PRPSAP2: variants seen among roughly 807,000 people sequenced by gnomAD.
The protein encoded by PRPSAP2 is phosphoribosyl pyrophosphate synthetase associated protein 2.
A neutral mutation model predicts 40.6 loss-of-function variants in PRPSAP2; 24 were observed. The ratio of observed to expected loss-of-function variants is 0.59; its 90% confidence interval spans 0.43 to 0.83. The LOEUF is 0.83. Among genes scored for constraint, PRPSAP2 ranks in the 40% least tolerant of loss-of-function variants. The pLI is 0.00. For missense variants in PRPSAP2, 292 were observed against 465.6 expected (o/e 0.63, Z 3.43); for synonymous variants, 149 against 164.7 (o/e 0.90, Z 0.73).
rs1271064416 is a variant in PRPSAP2 at position 18,865,847 on chromosome 17, C to T, written c.14C>T (p.Thr5Met). The change falls in exon 3 of 12, where the codon ACG (threonine) becomes ATG (methionine). Residue 5 changes from threonine (T) to methionine (M), a missense_variant. This residue lies in a region of PRPSAP2 where 51 missense variants were observed against 40.0 expected (regional missense o/e 1.28). Transcript: ENST00000268835. ...AAGAAGGTTTTGATGTTTTGTGTGA[C>T]GCCACCTGAATTAGAAACCAAGATG... Reference protein sequence around the residue: MFCVTPPELETKMNI... With the variant: MFCVMPPELETKMNI... 9.3e-6 allele frequency: 14 copies of T among 1,508,362 alleles called. No homozygotes were observed. The highest frequency in any genetic ancestry group is 1.4e-5 in the South Asian group (1 of 72,602). The allele number at this position is 1,508,362 out of a possible 1,614,324, so 93.4% of individuals were successfully genotyped here. A position where few individuals can be genotyped will look rare whatever the true frequency, so the allele number is the denominator to read the frequency against.
chr17:18,928,059 C>T (rs1241423371), intron 10 of PRPSAP2, among the ~76,000 whole-genome samples: 1 of 152,168 alleles, frequency 6.6e-6, no homozygotes. Context: ...GCTGGGACTA[C>T]AGGCATGAGC....
At chr17:18,917,155 G>A (rs1214100301) in intron 9 of PRPSAP2, among the ~76,000 whole-genome samples, 1 of 151,976 alleles carries the variant, frequency 6.6e-6, no homozygotes, top group Non-Finnish European at 1.5e-5. Flanking sequence ...GAGTTGTTGG[G>A]GAAGAACCCT....
At chr17:18,896,123 T>A (rs1018961595) in intron 8 of PRPSAP2, among the ~76,000 whole-genome samples, 10 of 152,180 alleles carry the variant, frequency 6.6e-5, no homozygotes, top group African/African-American at 2.4e-4. Flanking sequence ...AAAACAACAT[T>A]TTAAATTATG....
chr17:18,900,278 T>C (rs1016523083), intron 8 of PRPSAP2, among the ~76,000 whole-genome samples: 1 of 152,252 alleles, frequency 6.6e-6, no homozygotes, highest in Admixed American at 6.5e-5. Flanking sequence ...TGCCTCGGCC[T>C]CCCAAAGTAC....
At chr17:18,886,828 A>G (rs2151916726) in intron 7 of PRPSAP2, among the ~76,000 whole-genome samples, 1 of 151,056 alleles carries the variant, frequency 6.6e-6, no homozygotes, top group Middle Eastern at 3.4e-3. Context: ...GTGGAATTGT[A>G]TCATTTTTCC....
intron 8 of PRPSAP2, among the ~76,000 whole-genome samples, chr17:18,895,546 T>G (rs1489739448): frequency 1.3e-5 from 2 of 151,852 alleles, no homozygotes; most frequent in African/African-American, 4.8e-5. Context: ...TGTTGACTGC[T>G]TTTTTACTGT....
At position 18,886,723 on chromosome 17, in the gene PRPSAP2, T is replaced by A. The variant is rs142566983; in HGVS notation, c.529-3099T>A. ...TTGCCTTCCGCTGCACTGCTGGGGA[T>A]GTGTCAGGCAGTCCTTTTCACAGTT... On this transcript the variant is annotated intron_variant, in intron 7 of 11. Coordinates refer to ENST00000268835, the MANE Select transcript of PRPSAP2 (RefSeq NM_002767.4). 1.3e-4 allele frequency among the ~76,000 whole-genome samples: 20 copies of A among 152,200 alleles called. No homozygotes were observed. The East Asian group carries it at 3.9e-3, about 29-fold the overall frequency.
At chr17:18,883,716 C>T (rs1285192684) in intron 7 of PRPSAP2, among the ~76,000 whole-genome samples, 1 of 151,984 alleles carries the variant, frequency 6.6e-6, no homozygotes, top group Non-Finnish European at 1.5e-5. Context: ...AATTATTTCT[C>T]TCTTTAATAA....
In PRPSAP2 at chr17:18,872,659, C is replaced by CA. The variant is rs758428165; in HGVS notation, c.239+11dup. The CA allele has an allele frequency of 3.2e-6, 5 of 1,575,536 alleles. No individual in the cohort carries two copies. The South Asian group carries it at 3.3e-5, about 11-fold the overall frequency. On this transcript the variant is annotated intron_variant, in intron 5 of 11. Coordinates refer to ENST00000268835, the MANE Select transcript of PRPSAP2 (RefSeq NM_002767.4). ...TCCAAACTGTTTCGAAGTGAGTATC[C>CA]AGCAAAAGTGTTGCTTTCTGGGTTT... is the stretch of plus-strand genomic sequence containing the variant.
intron 8 of PRPSAP2, among the ~76,000 whole-genome samples, chr17:18,898,315 C>T (rs1028041203): frequency 4.6e-5 from 7 of 152,102 alleles, no homozygotes; most frequent in Non-Finnish European, 8.8e-5. Flanking sequence ...TGCTTTTAAA[C>T]ATCAAACATA....
At chr17:18,908,176 A>G in intron 8 of PRPSAP2, 1 of 614,730 alleles carries the variant, frequency 1.6e-6, no homozygotes, top group East Asian at 2.8e-5. Context: ...AAAAAAAGCC[A>G]GATGCGGTGG....
chr17:18,920,938 C>A lies in PRPSAP2; in HGVS notation c.734-2976C>A, dbSNP rs2041654743. 2.6e-5 allele frequency among the ~76,000 whole-genome samples: 4 copies of A among 151,988 alleles called. No homozygotes were observed. The South Asian group carries it at 8.3e-4, about 32-fold the overall frequency. ...TTGTGCATGTTGCTGCCTCCTTCTC[C>A]CAGCTGCCCGACGTGTCATCTCAGG... On this transcript the variant is annotated intron_variant, in intron 9 of 11. Transcript: ENST00000268835.
chr17:18,925,394 G>A (rs1174195453), intron 10 of PRPSAP2, among the ~76,000 whole-genome samples: 2 of 152,186 alleles, frequency 1.3e-5, no homozygotes, highest in African/African-American at 4.8e-5. Flanking sequence ...AGCCATGAGG[G>A]CTTGTGGCCT....
intron 8 of PRPSAP2, among the ~76,000 whole-genome samples, chr17:18,907,562 A>G (rs1021411810): frequency 2.6e-5 from 4 of 152,234 alleles, no homozygotes; most frequent in Admixed American, 2.0e-4. Flanking sequence ...ACTGACAGTC[A>G]TAGCACACCA....
At chr17:18,907,830 A>G (rs1336022310) in intron 8 of PRPSAP2, among the ~76,000 whole-genome samples, 1 of 152,178 alleles carries the variant, frequency 6.6e-6, no homozygotes, top group African/African-American at 2.4e-5. Context: ...AAAAGTATTT[A>G]GAACCAAATG....
chr17:18,915,281 C>CTT (rs1291736270), intron 9 of PRPSAP2, among the ~76,000 whole-genome samples: 1 of 152,134 alleles, frequency 6.6e-6, no homozygotes, highest in Non-Finnish European at 1.5e-5. Flanking sequence ...CCACCTCAGC[C>CTT]TCCCAAAGTG....
intron 1 of PRPSAP2, among the ~76,000 whole-genome samples, chr17:18,860,912 G>T (rs1036905501): frequency 6.6e-6 from 1 of 152,054 alleles, no homozygotes; most frequent in Non-Finnish European, 1.5e-5. Context: ...CTCTGAAAAC[G>T]GTGTGTTTTC....
chr17:18,870,468 A>G (rs1360239601), intron 4 of PRPSAP2, among the ~76,000 whole-genome samples: 3 of 152,128 alleles, frequency 2.0e-5, no homozygotes, highest in African/African-American at 7.2e-5. Flanking sequence ...CTCTAGGAAT[A>G]ATTACTTTCA....
intron 5 of PRPSAP2, among the ~76,000 whole-genome samples, chr17:18,876,686 AAGAC>A (rs897353646): frequency 6.6e-6 from 1 of 152,210 alleles, no homozygotes; most frequent in African/African-American, 2.4e-5. Flanking sequence ...GGAAAAAAAT[AAGAC>A]AGCATGGTGA....
Sources: gnomAD v4.1 joint callset for allele counts (sites outside exome capture counted in the v4.1 genomes callset) on GRCh38, gnomAD v4.1.1 for gene constraint, gnomAD v4.1.1 regional missense constraint, MANE v1.5 for transcripts, NCBI Gene and HGNC (gene_info 2026-07-23, HGNC 2026-07-21) for gene names.